Variants in RMST observed in about 807,000 individuals in gnomAD.
RMST encodes the protein long intergenic non-protein coding RNA 54.
At chr12:97,513,113 G>A (rs1879583314) in intron 10 of RMST, among the ~76,000 whole-genome samples, 1 of 152,168 alleles carries the variant, frequency 6.6e-6, no homozygotes, top group African/African-American at 2.4e-5. Flanking sequence ...TCCCACCTGC[G>A]CCTCTCCCTC....
intron 11 of RMST, among the ~76,000 whole-genome samples, chr12:97,559,141 C>A (rs1270389912): frequency 2.0e-5 from 3 of 151,002 alleles, no homozygotes; most frequent in African/African-American, 2.4e-5. Context: ...GGTCTGGGGT[C>A]TTTTGAATAT....
chr12:97,536,366 CA>C (rs1202973754), intron 11 of RMST, among the ~76,000 whole-genome samples: 2 of 151,332 alleles, frequency 1.3e-5, no homozygotes, highest in Non-Finnish European at 3.0e-5. Context: ...TTGAGTTATG[CA>C]AAAAGTAAAC....
intron 11 of RMST, among the ~76,000 whole-genome samples, chr12:97,551,152 A>G (rs1883278205): frequency 6.7e-6 from 1 of 148,748 alleles, no homozygotes; most frequent in African/African-American, 2.5e-5. Flanking sequence ...CATTAATGGC[A>G]TTCATGGTTC....
chr12:97,515,469 A>G (rs1244681026), intron 10 of RMST, among the ~76,000 whole-genome samples: 1 of 152,122 alleles, frequency 6.6e-6, no homozygotes, highest in East Asian at 1.9e-4. Context: ...TTTCTCTGAA[A>G]AATCTTTAAA....
chr12:97,511,345 C>T lies in RMST; in HGVS notation n.1340+15289C>T, dbSNP rs144264376. Among the ~76,000 whole-genome samples the T allele has an allele frequency of 9.2e-3, 1,397 of 152,142 alleles. 24 individuals carry two copies. Among genetic ancestry groups the T allele is most frequent in the African/African-American group, 0.032 (1,338 of 41,502 alleles). On this transcript the variant is annotated intron_variant and non_coding_transcript_variant, in intron 10 of 13. Transcript: ENST00000640149. ...TGTATTTTTAGTAGACACGGGGTTT[C>T]ACCATGTTGGCCAGGTTGGTCTTGA...
At chr12:97,476,373 A>T (rs935580057) in intron 5 of RMST, among the ~76,000 whole-genome samples, 2 of 152,214 alleles carry the variant, frequency 1.3e-5, no homozygotes, top group African/African-American at 4.8e-5. Flanking sequence ...AGGCTCTTGA[A>T]GTCTGTGGGA....
At chr12:97,485,958 T>G (rs961531444) in intron 5 of RMST, among the ~76,000 whole-genome samples, 2 of 152,230 alleles carry the variant, frequency 1.3e-5, no homozygotes, top group South Asian at 2.1e-4. Flanking sequence ...TGATTATCTG[T>G]GCAAAGGGAT....
intron 5 of RMST, among the ~76,000 whole-genome samples, chr12:97,485,543 G>A (rs1875990241): frequency 6.6e-6 from 1 of 152,110 alleles, no homozygotes; most frequent in South Asian, 2.1e-4. Context: ...TGACTTGCTT[G>A]TTAGCTTTAG....
chr12:97,542,570 A>G (rs893360463), intron 11 of RMST, among the ~76,000 whole-genome samples: 3 of 151,868 alleles, frequency 2.0e-5, no homozygotes, highest in African/African-American at 4.8e-5. Context: ...TTAGAAACCT[A>G]CAACATCTGT....
intron 10 of RMST, among the ~76,000 whole-genome samples, chr12:97,527,928 T>G (rs1881273137): frequency 6.6e-6 from 1 of 152,108 alleles, no homozygotes; most frequent in Non-Finnish European, 1.5e-5. Flanking sequence ...CACAAATATG[T>G]CAGAATTATT....
chr12:97,477,394 A>G (rs1287958833), intron 5 of RMST, among the ~76,000 whole-genome samples: 1 of 152,180 alleles, frequency 6.6e-6, no homozygotes, highest in Non-Finnish European at 1.5e-5. Context: ...TCAAAAGACC[A>G]GATAAGAAAG....
At chr12:97,511,810 T>C (rs531580508) in intron 10 of RMST, among the ~76,000 whole-genome samples, 1 of 152,336 alleles carries the variant, frequency 6.6e-6, no homozygotes, top group African/African-American at 2.4e-5. Flanking sequence ...ACTGAGTCCA[T>C]TAAGTCTCAT....
At chr12:97,517,447 C>A (rs898541386) in intron 10 of RMST, among the ~76,000 whole-genome samples, 3 of 151,848 alleles carry the variant, frequency 2.0e-5, no homozygotes, top group East Asian at 1.9e-4. Flanking sequence ...ATCTTCACTT[C>A]TTTTTCCATT....
chr12:97,534,396 A>G (rs1881906544), intron 11 of RMST, among the ~76,000 whole-genome samples: 1 of 151,786 alleles, frequency 6.6e-6, no homozygotes, highest in Non-Finnish European at 1.5e-5. Flanking sequence ...ACAGAACTAA[A>G]TGAAAATAAT....
intron 10 of RMST, among the ~76,000 whole-genome samples, chr12:97,514,130 A>C (rs140680658): frequency 5.6e-4 from 85 of 152,314 alleles, no homozygotes; most frequent in Non-Finnish European, 8.1e-4. Flanking sequence ...GGCAAGAGTC[A>C]AGTCTTGGTA....
At chr12:97,480,194 A>C (rs1875092177) in intron 5 of RMST, among the ~76,000 whole-genome samples, 1 of 148,848 alleles carries the variant, frequency 6.7e-6, no homozygotes, top group Non-Finnish European at 1.5e-5. Flanking sequence ...GGTTCATGCC[A>C]TTCTCTTGCC....
intron 10 of RMST, among the ~76,000 whole-genome samples, chr12:97,510,206 A>G (rs888037523): frequency 4.6e-5 from 7 of 152,232 alleles, no homozygotes; most frequent in African/African-American, 1.7e-4. Context: ...TTAGAAATGA[A>G]GCAAATGTAG....
At chr12:97,560,384 T>C (rs1237630808) in intron 11 of RMST, among the ~76,000 whole-genome samples, 1 of 152,210 alleles carries the variant, frequency 6.6e-6, no homozygotes, top group African/African-American at 2.4e-5. Flanking sequence ...TGCGTTTTTG[T>C]AAAAAGCAAT....
rs1169218288 is a variant in RMST, at chr12:97,520,212, CCTGGTCTCCT to C, written n.1341-10442_1341-10433del. On this transcript the variant is annotated intron_variant and non_coding_transcript_variant, in intron 10 of 13. Coordinates refer to ENST00000640149, the Ensembl canonical transcript of RMST. The stretch of plus-strand genomic sequence containing the variant: ...ACAATAGTGGAACGTCTTTGGCCAT[CCTGGTCTCCT>C]GTAGGTTTGGCTGTGGAGGAGCAGG... Among the ~76,000 whole-genome samples the C allele has an allele frequency of 1.2e-4, 18 of 152,304 alleles. No individual in the cohort carries two copies. In the East Asian group the frequency reaches 3.5e-3, roughly 29 times the overall value.
Sources: allele counts gnomAD v4.1 joint callset (sites outside exome capture counted in the v4.1 genomes callset), GRCh38; gene constraint gnomAD v4.1.1; transcripts MANE v1.5; gene names NCBI Gene and HGNC (gene_info 2026-07-23, HGNC 2026-07-21).